The following SYT14 variants were observed in gnomAD, a reference collection of about 807,000 sequenced individuals.
SYT14 encodes the protein synaptotagmin 14, also known as synaptotagmin-14.
SYT14 carries 32 observed loss-of-function variants against 74.2 expected under a neutral mutation model. The observed-to-expected ratio is 0.43, with a 90% CI of 0.33 to 0.58. The LOEUF is 0.58. SYT14 is among the 20% of genes least tolerant of loss of function. SYT14 has a pLI of 0.05. For synonymous variants in SYT14, 298 were observed against 337.7 expected, an observed-to-expected ratio of 0.88 and a Z score of 1.29; for missense variants, 791 against 981.8, an observed-to-expected ratio of 0.81 and a Z score of 2.60.
chr1:210,049,389 CT>C (rs112176538), intron 5 of SYT14, among the ~76,000 whole-genome samples: 5,265 of 135,606 alleles, frequency 0.039, 559 homozygotes, highest in Admixed American at 0.24. Flanking sequence ...AACACCAATT[CT>C]TTTTTTTTTT....
intron 2 of SYT14, among the ~76,000 whole-genome samples, chr1:210,008,402 C>T (rs913008468): frequency 7.9e-5 from 12 of 151,694 alleles, no homozygotes; most frequent in African/African-American, 1.9e-4. Flanking sequence ...ATCTCGCTCT[C>T]GCTCAGGCTG....
chr1:209,990,524 CATATATATAT>C (rs1367996952), intron 2 of SYT14, among the ~76,000 whole-genome samples: 10 of 3,394 alleles, frequency 2.9e-3, no homozygotes, highest in Admixed American at 4.7e-3. Flanking sequence ...GAATATTTCA[CATATATATAT>C]ATACGTATAT....
At chr1:210,009,405 A>G (rs981859946) in intron 2 of SYT14, among the ~76,000 whole-genome samples, 1 of 152,178 alleles carries the variant, frequency 6.6e-6, no homozygotes, top group African/African-American at 2.4e-5. Flanking sequence ...AATAGATAAA[A>G]TATTTTTAAT....
chr1:210,006,672 A>G (rs2079993359), intron 2 of SYT14, among the ~76,000 whole-genome samples: 1 of 151,952 alleles, frequency 6.6e-6, no homozygotes, highest in African/African-American at 2.4e-5. Context: ...GTTACTTTTT[A>G]TCTTTTTAAA....
At chr1:210,101,731 A>G (rs1206395639) in intron 7 of SYT14, among the ~76,000 whole-genome samples, 7 of 152,092 alleles carry the variant, frequency 4.6e-5, no homozygotes, top group Non-Finnish European at 5.9e-5. Flanking sequence ...TTAATAATCT[A>G]CAGTTATTAA....
At chr1:210,116,277 C>A (rs2082359363) in intron 7 of SYT14, among the ~76,000 whole-genome samples, 1 of 152,108 alleles carries the variant, frequency 6.6e-6, no homozygotes, top group African/African-American at 2.4e-5. Flanking sequence ...TATATTATCT[C>A]TGAGTTTATT....
intron 5 of SYT14, among the ~76,000 whole-genome samples, chr1:210,087,247 A>G (rs565181702): frequency 6.6e-6 from 1 of 152,182 alleles, no homozygotes; most frequent in South Asian, 2.1e-4. Flanking sequence ...TACCCCGCCC[A>G]TGCTGCTTAG....
chr1:210,151,242 C>G (rs753762918), intron 7 of SYT14, among the ~76,000 whole-genome samples: 2 of 152,152 alleles, frequency 1.3e-5, no homozygotes, highest in Non-Finnish European at 2.9e-5. Context: ...CTACTGCTAC[C>G]TAGGCAAGCC....
intron 2 of SYT14, among the ~76,000 whole-genome samples, chr1:209,992,043 C>A (rs1395748282): frequency 6.6e-6 from 1 of 152,142 alleles, no homozygotes; most frequent in Non-Finnish European, 1.5e-5. Flanking sequence ...CAAAAAGATA[C>A]CTGCACCTGT....
rs1484972570 is a variant in SYT14, at chr1:210,139,276, T to TC, written c.2035-16445_2035-16444insC. On this transcript the variant is annotated intron_variant, in intron 7 of 9. Coordinates refer to ENST00000637265, the Ensembl canonical transcript of SYT14. ...TAATTTTCTTTTTTCTTTTTTTTTTTTTTTTTTTTTTGATTTTTAGTGGAG... is the reference window on the plus strand; with the variant it reads ...TAATTTTCTTTTTTCTTTTTTTTTTTCTTTTTTTTTTTGATTTTTAGTGGAG... Among the ~76,000 whole-genome samples the TC allele has an allele frequency of 2.7e-5, 4 of 147,676 alleles. No homozygotes were observed. The East Asian group carries it at 7.8e-4, about 29-fold the overall frequency.
intron 5 of SYT14, among the ~76,000 whole-genome samples, chr1:210,083,032 G>A (rs1441887962): frequency 2.6e-5 from 4 of 151,598 alleles, no homozygotes; most frequent in Admixed American, 2.0e-4. Context: ...CCAAGCTGGA[G>A]TGCAGTGGCA....
chr1:209,983,878 G>A (rs1025673333), intron 2 of SYT14, among the ~76,000 whole-genome samples: 1 of 152,180 alleles, frequency 6.6e-6, no homozygotes, highest in Non-Finnish European at 1.5e-5. Context: ...TTTTTGGTTA[G>A]TAGGTGCTGC....
intron 5 of SYT14, among the ~76,000 whole-genome samples, chr1:210,077,445 T>C (rs922876924): frequency 1.3e-5 from 2 of 152,204 alleles, no homozygotes; most frequent in East Asian, 1.9e-4. Context: ...TGCCAAATAG[T>C]ATTAAATTGT....
chr1:209,966,657 A>G (rs2079162553), intron 2 of SYT14, among the ~76,000 whole-genome samples: 1 of 152,230 alleles, frequency 6.6e-6, no homozygotes, highest in Non-Finnish European at 1.5e-5. Context: ...ATAGAAATAC[A>G]GTTACGTTTT....
At chr1:209,990,119 A>T (rs997452415) in intron 2 of SYT14, among the ~76,000 whole-genome samples, 1 of 152,174 alleles carries the variant, frequency 6.6e-6, no homozygotes, top group African/African-American at 2.4e-5. Context: ...GTTATAAATT[A>T]TGCCTTATAG....
intron 6 of SYT14, among the ~76,000 whole-genome samples, chr1:210,098,892 C>T (rs746761134): frequency 2.0e-5 from 3 of 152,146 alleles, no homozygotes; most frequent in South Asian, 4.1e-4. Flanking sequence ...TAGAGATTCA[C>T]CATGTTGGCC....
intron 7 of SYT14, among the ~76,000 whole-genome samples, chr1:210,151,834 A>C (rs2083170225): frequency 6.6e-6 from 1 of 152,180 alleles, no homozygotes; most frequent in African/African-American, 2.4e-5. Context: ...ACAGCAGTGA[A>C]GTGGGGAGTG....
At chr1:209,941,228 G>A (rs77967159) in intron 1 of SYT14, among the ~76,000 whole-genome samples, 4,195 of 152,226 alleles carry the variant, frequency 0.028, 203 homozygotes, top group African/African-American at 0.095. Flanking sequence ...TCAGTCAGAT[G>A]TGTAACTATT....
At chr1:210,032,459 C>A (rs1433829001) in intron 5 of SYT14, among the ~76,000 whole-genome samples, 4 of 151,926 alleles carry the variant, frequency 2.6e-5, no homozygotes, top group African/African-American at 9.7e-5. Flanking sequence ...TAGAAAGATT[C>A]TTTACCACTA....
Sources: allele counts gnomAD v4.1 joint callset (sites outside exome capture counted in the v4.1 genomes callset), GRCh38; gene constraint gnomAD v4.1.1; transcripts MANE v1.5; gene names NCBI Gene and HGNC (gene_info 2026-07-23, HGNC 2026-07-21).